Variants in SH3GL1 observed in about 807,000 individuals in gnomAD.
The protein encoded by SH3GL1 is endophilin-A2.
SH3GL1 carries 21 observed loss-of-function variants against 48.8 expected under a neutral mutation model. That is an observed-to-expected ratio of 0.43 (90% CI 0.30 to 0.62). SH3GL1 has a LOEUF of 0.62. Among genes scored for constraint, SH3GL1 ranks in the 20% least tolerant of loss-of-function variants. The pLI, the probability that SH3GL1 is intolerant of heterozygous loss-of-function variation, is 0.11. For synonymous variants in SH3GL1, 282 were observed against 217.5 expected, an observed-to-expected ratio of 1.30 and a Z score of -2.61; for missense variants, 454 against 503.0, an observed-to-expected ratio of 0.90 and a Z score of 0.93.
chr19:4,376,081 C>G lies in SH3GL1; in HGVS notation c.46-9087G>C, dbSNP rs1311541910. Among the ~76,000 whole-genome samples the G allele has an allele frequency of 2.6e-5, 4 of 152,214 alleles. No homozygotes were observed. The highest frequency in any genetic ancestry group is 4.4e-5 in the Non-Finnish European group (3 of 68,034). On this transcript the variant is annotated intron_variant, in intron 1 of 9. Coordinates refer to ENST00000269886, the MANE Select transcript of SH3GL1 (RefSeq NM_003025.4). This position sits in a 1 kb window ranked among gnomAD's most constrained non-coding sequence, Gnocchi z 4.3. Reference sequence around the variant, plus strand: ...GGGGCATGGTGACAGCGGTGAGAGGCTGCAGGTGCACAGATCTCAACGAGG... The same window carrying G: ...GGGGCATGGTGACAGCGGTGAGAGGGTGCAGGTGCACAGATCTCAACGAGG...
chr19:4,366,932 C>T lies in SH3GL1; in HGVS notation c.108G>A (p.Met36Ile). The part of the protein sequence containing the change: ...GTKLDDDFKE[M>I]EKKVDVTSKA... ...CACGCAGTTTCTTCCTCACCTTCTC[C>T]ATCTCTTTGAAGTCATCATCCAGCT... is the stretch of plus-strand genomic sequence containing the variant. The change falls in exon 2 of 10, where the codon ATG becomes ATA. Residue 36 changes from methionine to isoleucine, a missense_variant. Coordinates refer to ENST00000269886, the MANE Select transcript of SH3GL1 (RefSeq NM_003025.4). 6.2e-7 allele frequency: 1 copy of T among 1,613,832 alleles called. No individual in the cohort carries two copies. Among genetic ancestry groups the T allele is most frequent in the Non-Finnish European group, 8.5e-7 (1 of 1,179,748 alleles).
intron 1 of SH3GL1, among the ~76,000 whole-genome samples, chr19:4,398,597 T>G (rs1973463957): frequency 6.6e-6 from 1 of 151,950 alleles, no homozygotes; most frequent in African/African-American, 2.4e-5. Flanking sequence ...GCTCTCAAAC[T>G]CCTGGCTTCA....
chr19:4,390,967 A>G (rs1314621866), intron 1 of SH3GL1, among the ~76,000 whole-genome samples: 1 of 152,228 alleles, frequency 6.6e-6, no homozygotes, highest in Non-Finnish European at 1.5e-5. Context: ...GTTGCAAAAC[A>G]CTGGAAACAA....
intron 1 of SH3GL1, among the ~76,000 whole-genome samples, chr19:4,378,092 G>GC (rs1382756740): frequency 1.3e-5 from 2 of 152,220 alleles, no homozygotes; most frequent in Non-Finnish European, 2.9e-5. Flanking sequence ...GACAGGGGTG[G>GC]CAGAGGCAGC....
At chr19:4,384,000 A>T (rs555374951) in intron 1 of SH3GL1, among the ~76,000 whole-genome samples, 60 of 152,324 alleles carry the variant, frequency 3.9e-4, no homozygotes, top group Non-Finnish European at 8.5e-4. Context: ...AAAAGGAATG[A>T]TTTGGGGCTA....
At chr19:4,381,641 C>T (rs1254722450) in intron 1 of SH3GL1, among the ~76,000 whole-genome samples, 1 of 132,328 alleles carries the variant, frequency 7.6e-6, no homozygotes, top group Non-Finnish European at 1.6e-5. Context: ...CTCTCCACCC[C>T]CTCTGCCTCT....
chr19:4,364,151 C>T lies in SH3GL1; in HGVS notation c.402G>A (p.Glu134=), dbSNP rs779001583. 7 of 1,613,832 alleles carry T rather than the reference C, an allele frequency of 4.3e-6. No homozygotes were observed. The East Asian group carries it at 8.9e-5, about 21-fold the overall frequency. Residue 134 remains glutamate, a synonymous_variant, in exon 5 of 10, where the codon GAG becomes GAA. Transcript: ENST00000269886. ...LAEVKDSLDI[E]VKQNFIDPLQ... is the part of the protein sequence containing the mutation. Reference sequence around the variant, plus strand: ...GGGGGTCAATGAAGTTCTGCTTGACCTCGATGTCCAGGGAGTCCTTCACCT... The same window carrying T: ...GGGGGTCAATGAAGTTCTGCTTGACTTCGATGTCCAGGGAGTCCTTCACCT...
chr19:4,384,570 T>G (rs1315161611), intron 1 of SH3GL1, among the ~76,000 whole-genome samples: 2 of 152,196 alleles, frequency 1.3e-5, no homozygotes, highest in African/African-American at 4.8e-5. Context: ...CATCAAGCAC[T>G]ACAGCAGATG....
At chr19:4,387,073 A>C (rs1973249458) in intron 1 of SH3GL1, among the ~76,000 whole-genome samples, 2 of 151,316 alleles carry the variant, frequency 1.3e-5, no homozygotes, top group Non-Finnish European at 2.9e-5. Flanking sequence ...AGTAGCTGGG[A>C]CTACAGGTGC....
At chr19:4,395,730 AC>A (rs1395712441) in intron 1 of SH3GL1, 2 of 151,832 alleles carry the variant, frequency 1.3e-5, no homozygotes, top group African/African-American at 2.4e-5. Flanking sequence ...ACATGGTGAA[AC>A]CCTGTCTCTA....
intron 4 of SH3GL1, chr19:4,364,683 C>A (rs1352813181): frequency 6.1e-6 from 1 of 162,732 alleles, no homozygotes; most frequent in Non-Finnish European, 1.3e-5. Context: ...CCCGCCTCGG[C>A]CTCCCAAAGT....
chr19:4,377,609 G>A (rs537024874), intron 1 of SH3GL1, among the ~76,000 whole-genome samples: 8 of 152,324 alleles, frequency 5.3e-5, no homozygotes, highest in African/African-American at 9.6e-5. Flanking sequence ...AGCCAGCCGC[G>A]CCTGTGCACT....
At chr19:4,388,980 T>C (rs1485699036) in intron 1 of SH3GL1, among the ~76,000 whole-genome samples, 1 of 152,216 alleles carries the variant, frequency 6.6e-6, no homozygotes, top group Non-Finnish European at 1.5e-5. Flanking sequence ...TCCGAGGCCT[T>C]GTCAGCCACC....
rs1176624802 is a variant in SH3GL1, at chr19:4,366,549, C to T, written c.139G>A (p.Val47Met). The T allele has an allele frequency of 6.2e-7, 1 of 1,612,244 alleles. No individual in the cohort carries two copies. The highest frequency in any genetic ancestry group is 2.2e-5 in the East Asian group (1 of 44,874). ...EKKVDVTSKA[V>M]TEVLARTIEY... ...ATGGTCCTGGCCAGCACTTCTGTCA[C>T]CGCCTTGCTGGTGACATCCACCTTC... Residue 47 changes from valine (V) to methionine (M), a missense_variant, in exon 3 of 10, where the codon GTG (valine) becomes ATG (methionine). Coordinates refer to ENST00000269886, the MANE Select transcript of SH3GL1 (RefSeq NM_003025.4).
chr19:4,393,650 C>T (rs778944460), intron 1 of SH3GL1, among the ~76,000 whole-genome samples: 1 of 151,912 alleles, frequency 6.6e-6, no homozygotes, highest in African/African-American at 2.4e-5. Context: ...ATGAGCTGGG[C>T]GTGGTGGTAT....
rs1396457889 is a variant in SH3GL1 at position 4,367,591 on chromosome 19, C to G, written c.46-597G>C. Among the ~76,000 whole-genome samples the G allele has an allele frequency of 2.0e-5, 3 of 152,160 alleles. No individual in the cohort carries two copies. The East Asian group carries it at 5.8e-4, about 29-fold the overall frequency. On this transcript the variant is annotated intron_variant, in intron 1 of 9. Coordinates refer to ENST00000269886, the MANE Select transcript of SH3GL1 (RefSeq NM_003025.4). This position sits in a 1 kb window ranked among gnomAD's most constrained non-coding sequence, Gnocchi z 4.2. Reference sequence around the variant, plus strand: ...TGCCCCATGTGGACACTGAGTTTCACAAGGCAGTCAACACAGGCCTGGCAC... The same window carrying G: ...TGCCCCATGTGGACACTGAGTTTCAGAAGGCAGTCAACACAGGCCTGGCAC...
Position 4,367,924 on chromosome 19 carries a change from C to G in SH3GL1, c.46-930G>C, listed in dbSNP as rs1972817621. On this transcript the variant is annotated intron_variant, in intron 1 of 9. Coordinates refer to ENST00000269886, the MANE Select transcript of SH3GL1 (RefSeq NM_003025.4). This position sits in a 1 kb window ranked among gnomAD's most constrained non-coding sequence, Gnocchi z 4.2. ...ACAGTGTGAGGCCCTTCCCAGCACACAGCGCTTCATGAAGAGCCGAGTGGC... is the reference window on the plus strand; with the variant it reads ...ACAGTGTGAGGCCCTTCCCAGCACAGAGCGCTTCATGAAGAGCCGAGTGGC... Among the ~76,000 whole-genome samples the G allele has an allele frequency of 6.6e-6, 1 of 152,148 alleles. No individual in the cohort carries two copies. Among genetic ancestry groups the G allele is most frequent in the Non-Finnish European group, 1.5e-5 (1 of 68,016 alleles).
intron 1 of SH3GL1, chr19:4,395,990 G>T (rs920470451): frequency 6.6e-6 from 1 of 152,076 alleles, no homozygotes; most frequent in Middle Eastern, 3.4e-3. Context: ...TGTTTATGGT[G>T]GATCTAGCTC....
At position 4,362,371 on chromosome 19, in the gene SH3GL1, G is replaced by A. The variant is rs749316862; in HGVS notation, c.868C>T (p.Arg290Ter). 2 of 1,611,924 alleles carry A rather than the reference G, an allele frequency of 1.2e-6. No homozygotes were observed. The highest frequency in any genetic ancestry group is 1.7e-6 in the Non-Finnish European group (2 of 1,178,976). Residue 290 changes from arginine to a stop codon, truncating the protein, a stop_gained, in exon 9 of 10, where the codon CGA becomes TGA. Coordinates refer to ENST00000269886, the MANE Select transcript of SH3GL1 (RefSeq NM_003025.4). LOFTEE classifies it high-confidence loss of function. ...GTCCGGATGGGCTTGTCGGAAGATC[G>A]GAAAGACGATGAAGCTAAACACAAG... ...APKIAASSSF[R>*]SSDKPIRTPS...
Sources: gnomAD v4.1 joint callset for allele counts (sites outside exome capture counted in the v4.1 genomes callset) on GRCh38, gnomAD v4.1.1 for gene constraint, Gnocchi (gnomAD v3.1) non-coding constraint, MANE v1.5 for transcripts, NCBI Gene and HGNC (gene_info 2026-07-23, HGNC 2026-07-21) for gene names.